Variants in PPP6R3 observed in about 807,000 individuals in gnomAD.
PPP6R3 encodes the protein protein phosphatase 6 regulatory subunit 3.
Under a neutral mutation model 110.7 loss-of-function variants are expected in PPP6R3, and 38 were observed. The ratio of observed to expected loss-of-function variants is 0.34; its 90% CI spans 0.26 to 0.45. The LOEUF (loss-of-function observed/expected upper bound fraction) is 0.45. Ranked by LOEUF, PPP6R3 falls within the 20% of genes least tolerant of loss-of-function variation. The probability of loss-of-function intolerance (pLI) is 1.00; values close to 1 mark genes in which losing one functional copy is unlikely to be tolerated. For synonymous variants in PPP6R3, 369 were observed against 373.5 expected (o/e 0.99, Z 0.14); for missense variants, 870 against 1,062.4 (o/e 0.82, Z 2.52).
intron 22 of PPP6R3, 178 bp downstream of exon 22, chr11:68,603,670 C>A: frequency 1.4e-6 from 1 of 722,990 alleles, no homozygotes; most frequent in Non-Finnish European, 2.2e-6. Flanking sequence ...AGAGTTTAGG[C>A]CCCTAAGTGC....
intron 22 of PPP6R3, among the ~76,000 whole-genome samples, chr11:68,606,473 A>G (rs1345240393): frequency 7.3e-6 from 1 of 136,442 alleles, no homozygotes; most frequent in Non-Finnish European, 1.6e-5. Flanking sequence ...CAGCAAATTT[A>G]TGTAGTTTTT....
In PPP6R3 at chr11:68,596,230, C is replaced by T. The variant is rs1168282905; in HGVS notation, c.2038+12C>T. 1 of 1,614,108 alleles carries T rather than the reference C, an allele frequency of 6.2e-7. No homozygotes were observed. Among genetic ancestry groups the T allele is most frequent in the Admixed American group, 1.7e-5 (1 of 60,020 alleles). On this transcript the variant is annotated intron_variant, in intron 19 of 23. Coordinates refer to ENST00000393800, the MANE Select transcript of PPP6R3 (RefSeq NM_001164161.2). ...GGACCTGAGTGAACGTAAGTGGATTCATTCTTCAGATCAGCTGCCCTGTGT... is the reference window on the plus strand; with the variant it reads ...GGACCTGAGTGAACGTAAGTGGATTTATTCTTCAGATCAGCTGCCCTGTGT...
intron 2 of PPP6R3, among the ~76,000 whole-genome samples, chr11:68,530,153 T>C (rs1424819484): frequency 6.6e-6 from 1 of 152,204 alleles, no homozygotes; most frequent in East Asian, 1.9e-4. Flanking sequence ...ACTAGAACAT[T>C]TAATGTGTGG....
At chr11:68,476,593 C>T (rs1480681452) in intron 1 of PPP6R3, among the ~76,000 whole-genome samples, 4 of 152,012 alleles carry the variant, frequency 2.6e-5, no homozygotes, top group Non-Finnish European at 4.4e-5. Flanking sequence ...TTTTAAGCAC[C>T]ACTTTAGCTA....
rs747994576 is a variant in PPP6R3 at position 68,544,893 on chromosome 11, A to G, written c.283A>G (p.Arg95Gly). ...LTSDVSQMNDRLGEDESLLMK... is the reference protein window; with the variant it reads ...LTSDVSQMNDGLGEDESLLMK... ...TTCTGATGTCTCCCAGATGAATGAT[A>G]GACTGGGAGAAGATGAATCCTTGCT... The change falls in exon 4 of 24, where the codon AGA becomes GGA. Residue 95 changes from arginine to glycine, a missense_variant. Coordinates refer to ENST00000393800, the MANE Select transcript of PPP6R3 (RefSeq NM_001164161.2). The G allele has an allele frequency of 3.1e-6, 5 of 1,607,134 alleles. No individual in the cohort carries two copies. Among genetic ancestry groups the G allele is most frequent in the Non-Finnish European group, 8.5e-7 (1 of 1,173,808 alleles).
intron 1 of PPP6R3, among the ~76,000 whole-genome samples, chr11:68,484,609 C>T (rs369574806): frequency 5.7e-4 from 87 of 151,460 alleles, no homozygotes; most frequent in African/African-American, 1.9e-3. Context: ...TATTTTGAGA[C>T]GGAGTTTCGC....
chr11:68,506,057 G>A (rs2099074543), intron 1 of PPP6R3, among the ~76,000 whole-genome samples: 1 of 150,310 alleles, frequency 6.7e-6, no homozygotes, highest in African/African-American at 2.4e-5. Flanking sequence ...TTTTCCCCCC[G>A]CGTTGTAGGT....
intron 5 of PPP6R3, 81 bp from the exon 6 acceptor site, chr11:68,551,040 A>ATT (rs2099370344): frequency 1.0e-6 from 1 of 973,890 alleles, no homozygotes; most frequent in South Asian, 1.5e-5. Flanking sequence ...TGTGATGGAT[A>ATT]TTTCCAAGTA....
At chr11:68,474,978 G>C (rs1171404016) in intron 1 of PPP6R3, among the ~76,000 whole-genome samples, 1 of 151,580 alleles carries the variant, frequency 6.6e-6, no homozygotes, top group Admixed American at 6.6e-5. Flanking sequence ...GATTTGGCAG[G>C]GTCACAGGAC....
intron 1 of PPP6R3, among the ~76,000 whole-genome samples, chr11:68,477,741 A>AAAAAAAAAAAAATATATATAT: frequency 3.5e-5 from 2 of 57,906 alleles, no homozygotes; most frequent in African/African-American, 1.4e-4. Flanking sequence ...AAAAAAAAAA[A>AAAAAAAAAAAAATATATATAT]ATATATATAT....
intron 9 of PPP6R3, among the ~76,000 whole-genome samples, chr11:68,565,164 T>G (rs2099456338): frequency 6.6e-6 from 1 of 152,074 alleles, no homozygotes; most frequent in East Asian, 1.9e-4. Flanking sequence ...TTATTGGGAA[T>G]TTAGAATACT....
intron 1 of PPP6R3, among the ~76,000 whole-genome samples, chr11:68,512,338 G>A (rs765969205): frequency 2.6e-5 from 4 of 152,072 alleles, no homozygotes; most frequent in African/African-American, 4.8e-5. Context: ...CACATGTGGT[G>A]CCAATCATCA....
intron 1 of PPP6R3, among the ~76,000 whole-genome samples, chr11:68,476,175 T>C (rs111752590): frequency 0.012 from 1,884 of 152,228 alleles, 16 homozygotes; most frequent in African/African-American, 0.029. Flanking sequence ...TGGGCAACAT[T>C]GAGCACTGAG....
Position 68,525,118 on chromosome 11 carries a change from G to A in PPP6R3, c.-7+5467G>A, listed in dbSNP as rs150623292. On this transcript the variant is annotated intron_variant, in intron 2 of 23. Transcript: ENST00000393800. Reference sequence around the variant, plus strand: ...CTGGGTTTGTGTCCCATTTCTGCTAGCATGTTTACTAGCTCTGGTCTTCAG... The same window carrying A: ...CTGGGTTTGTGTCCCATTTCTGCTAACATGTTTACTAGCTCTGGTCTTCAG... Among the ~76,000 whole-genome samples, 10 of 152,332 alleles carry A rather than the reference G, an allele frequency of 6.6e-5. No individual in the cohort carries two copies. In the East Asian group the frequency reaches 1.9e-3, roughly 29 times the overall value.
At chr11:68,468,744 T>C (rs189798116) in intron 1 of PPP6R3, among the ~76,000 whole-genome samples, 1 of 152,368 alleles carries the variant, frequency 6.6e-6, no homozygotes, top group East Asian at 1.9e-4. Context: ...ATATATGTTT[T>C]AATGTATATA....
At chr11:68,509,834 T>G (rs890568009) in intron 1 of PPP6R3, among the ~76,000 whole-genome samples, 2 of 139,130 alleles carry the variant, frequency 1.4e-5, no homozygotes, top group Non-Finnish European at 3.0e-5. Flanking sequence ...ACTGCAACCC[T>G]TGCCACCTGG....
chr11:68,597,002 G>T (rs917462695), intron 19 of PPP6R3, among the ~76,000 whole-genome samples: 1 of 152,212 alleles, frequency 6.6e-6, no homozygotes, highest in Non-Finnish European at 1.5e-5. Flanking sequence ...GAGAAGAAGA[G>T]AGATCTTCTT....
chr11:68,566,993 G>T, intron 9 of PPP6R3, 21 bp from the exon 10 acceptor site: 1 of 1,537,740 alleles, frequency 6.5e-7, no homozygotes, highest in South Asian at 1.2e-5. Flanking sequence ...GAATTTAATT[G>T]GAAAGCTTTT....
chr11:68,587,961 C>A lies in PPP6R3; in HGVS notation c.1667C>A (p.Ser556Tyr). 4 of 1,614,132 alleles carry A rather than the reference C, an allele frequency of 2.5e-6. No individual in the cohort carries two copies. The highest frequency in any genetic ancestry group is 3.4e-6 in the Non-Finnish European group (4 of 1,180,014). The change falls in exon 16 of 24, where the codon TCC becomes TAC. Residue 556 changes from serine to tyrosine, a missense_variant. Ser to Tyr is a moderately radical substitution (Grantham distance 144). Coordinates refer to ENST00000393800, the MANE Select transcript of PPP6R3 (RefSeq NM_001164161.2). ...FSDYQMQQMT[S>Y]NFIDQFGFND... is the part of the protein sequence containing the mutation. ...GATTATCAGATGCAACAAATGACGT[C>A]CAATTTTATTGACCAGTTTGGCTTC...
Sources: gnomAD v4.1 joint callset for allele counts (sites outside exome capture counted in the v4.1 genomes callset) on GRCh38, gnomAD v4.1.1 for gene constraint, MANE v1.5 for transcripts, NCBI Gene and HGNC (gene_info 2026-07-23, HGNC 2026-07-21) for gene names.